Variants in FLT3 observed in about 807,000 individuals in gnomAD.
FLT3 encodes receptor-type tyrosine-protein kinase FLT3.
In FLT3, 46 loss-of-function variants were observed where a neutral mutation model predicts 126.6. The ratio of observed to expected loss-of-function variants is 0.36; its 90% confidence interval spans 0.29 to 0.46. The LOEUF is 0.46. Ranked by LOEUF, FLT3 falls within the 20% of genes least tolerant of loss-of-function variation. FLT3 has a pLI of 1.00. For synonymous variants in FLT3, 404 were observed against 434.4 expected (o/e 0.93, Z 0.87); for missense variants, 1,069 against 1,190.3 (o/e 0.90, Z 1.50).
intron 1 of FLT3, among the ~76,000 whole-genome samples, chr13:28,090,986 G>T (rs1434720414): frequency 2.0e-5 from 3 of 151,946 alleles, no homozygotes; most frequent in Non-Finnish European, 4.4e-5. Flanking sequence ...GGGGGTGGGG[G>T]TAAGTAAAAC....
At chr13:28,091,394 T>C (rs1179392057) in intron 1 of FLT3, among the ~76,000 whole-genome samples, 1 of 149,374 alleles carries the variant, frequency 6.7e-6, no homozygotes, top group Admixed American at 6.7e-5. Context: ...GCTAATTTTT[T>C]GTATTTTTAG....
chr13:28,049,613 G>A (rs1329188926), intron 7 of FLT3, 22 bp downstream of exon 7: 2 of 1,613,650 alleles, frequency 1.2e-6, no homozygotes, highest in South Asian at 2.2e-5. Flanking sequence ...TGCATTTTCA[G>A]AATACAAACT....
At chr13:28,045,166 T>C (rs1304003449) in intron 9 of FLT3, among the ~76,000 whole-genome samples, 1 of 152,156 alleles carries the variant, frequency 6.6e-6, no homozygotes, top group Admixed American at 6.6e-5. Flanking sequence ...GCCCACTACA[T>C]TGGCCCATGA....
At chr13:28,090,977 G>A (rs576381157) in intron 1 of FLT3, among the ~76,000 whole-genome samples, 14 of 152,152 alleles carry the variant, frequency 9.2e-5, no homozygotes, top group African/African-American at 3.1e-4. Context: ...TACTGGGATG[G>A]GGGTGGGGGT....
chr13:28,054,193 T>C (rs1290149717), intron 4 of FLT3, among the ~76,000 whole-genome samples: 2 of 152,236 alleles, frequency 1.3e-5, no homozygotes, highest in African/African-American at 2.4e-5. Context: ...TACTAATTTA[T>C]GTTACACAGC....
intron 9 of FLT3, among the ~76,000 whole-genome samples, chr13:28,043,226 G>T (rs1874542211): frequency 6.6e-6 from 1 of 151,748 alleles, no homozygotes; most frequent in Admixed American, 6.6e-5. Context: ...AAAAGCTAAG[G>T]TAGATTTGGA....
At position 28,050,124 on chromosome 13, in the gene FLT3, C is replaced by A. The variant is rs141994172; in HGVS notation, c.713G>T (p.Gly238Val). ...DIRCCARNELGRECTRLFTID... is the reference protein window; with the variant it reads ...DIRCCARNELVRECTRLFTID... Reference sequence around the variant, plus strand: ...TGTGAACAGCCTGGTGCATTCCCTGCCCAGTTCATTTCTGGCACAGCACCT... The same window carrying A: ...TGTGAACAGCCTGGTGCATTCCCTGACCAGTTCATTTCTGGCACAGCACCT... The change falls in exon 6 of 24, where the codon GGC becomes GTC. Residue 238 changes from glycine (G) to valine (V), a missense_variant. Transcript: ENST00000241453. 11 of 1,613,964 alleles carry A rather than the reference C, an allele frequency of 6.8e-6. No homozygotes were observed. In the African/African-American group the frequency reaches 8.0e-5, roughly 12 times the overall value.
chr13:28,007,354 C>G (rs1870998371), intron 23 of FLT3, among the ~76,000 whole-genome samples: 1 of 152,124 alleles, frequency 6.6e-6, no homozygotes, highest in Admixed American at 6.6e-5. Context: ...AGAAGTGATT[C>G]TCTTGTCTCA....
At chr13:28,012,679 A>G (rs1871498843) in intron 23 of FLT3, among the ~76,000 whole-genome samples, 1 of 152,134 alleles carries the variant, frequency 6.6e-6, no homozygotes, top group South Asian at 2.1e-4. Context: ...TCATGCCTGT[A>G]ATCCTAGCAC....
intron 1 of FLT3, among the ~76,000 whole-genome samples, chr13:28,080,908 C>A (rs970166846): frequency 1.3e-5 from 2 of 152,154 alleles, no homozygotes; most frequent in Non-Finnish European, 2.9e-5. Context: ...ACTGAATTAC[C>A]TTTACACCTT....
intron 19 of FLT3, among the ~76,000 whole-genome samples, chr13:28,018,957 G>A (rs947594975): frequency 1.4e-5 from 2 of 142,606 alleles, no homozygotes; most frequent in Non-Finnish European, 3.0e-5. Context: ...GTGAGAAATA[G>A]CATCTCTTTT....
chr13:28,063,043 T>G (rs1876709622), intron 2 of FLT3, among the ~76,000 whole-genome samples: 1 of 147,874 alleles, frequency 6.8e-6, no homozygotes. Context: ...TAAATATTTT[T>G]GTGATTGTTG....
chr13:28,030,904 AAAAAAAG>A (rs368872924), intron 15 of FLT3, among the ~76,000 whole-genome samples: 7 of 151,680 alleles, frequency 4.6e-5, no homozygotes, highest in African/African-American at 1.2e-4. Flanking sequence ...ACCCTATCTC[AAAAAAAG>A]AAAAAAGAAA....
intron 23 of FLT3, among the ~76,000 whole-genome samples, chr13:28,008,275 CAAAAAAA>C (rs11409962): frequency 0.099 from 8,645 of 87,138 alleles, 393 homozygotes; most frequent in Middle Eastern, 0.21. Context: ...GAACCTGTCT[CAAAAAAA>C]AAAAAAAAAA....
At chr13:28,078,906 G>T (rs1279471148) in intron 1 of FLT3, among the ~76,000 whole-genome samples, 2 of 152,042 alleles carry the variant, frequency 1.3e-5, no homozygotes, top group African/African-American at 4.8e-5. Flanking sequence ...TAGAGACAGG[G>T]TTTTACTGTG....
chr13:28,048,706 G>T (rs1348322868), intron 8 of FLT3, among the ~76,000 whole-genome samples: 1 of 152,164 alleles, frequency 6.6e-6, no homozygotes, highest in Non-Finnish European at 1.5e-5. Flanking sequence ...ATAATTGACT[G>T]TCTGGCCCCT....
intron 1 of FLT3, among the ~76,000 whole-genome samples, chr13:28,081,726 A>T (rs1290820850): frequency 6.6e-6 from 1 of 151,964 alleles, no homozygotes. Context: ...GTATAATATT[A>T]GCTATTGGTT....
chr13:28,031,886 A>G (rs1001843044), intron 15 of FLT3, among the ~76,000 whole-genome samples: 1 of 152,178 alleles, frequency 6.6e-6, no homozygotes, highest in Non-Finnish European at 1.5e-5. Flanking sequence ...CGCCACTGTC[A>G]CTTGGACCTC....
rs909269674 is a variant in FLT3 at position 28,033,886 on chromosome 13, C to A, written c.1942+1G>T. The stretch of plus-strand genomic sequence containing the variant: ...GTTGCTGTCCTTCCACTATACTGTA[C>A]CTTTCAGCATTTTGACGGCAACCTG... On this transcript the variant is annotated splice_donor_variant, in intron 15 of 23. Transcript: ENST00000241453. LOFTEE classifies it high-confidence loss of function. 6.2e-7 allele frequency: 1 copy of A among 1,611,624 alleles called. No homozygotes were observed. Among genetic ancestry groups the A allele is most frequent in the Non-Finnish European group, 8.5e-7 (1 of 1,177,802 alleles).
Sources: gnomAD v4.1 joint callset for allele counts (sites outside exome capture counted in the v4.1 genomes callset) on GRCh38, gnomAD v4.1.1 for gene constraint, MANE v1.5 for transcripts, NCBI Gene and HGNC (gene_info 2026-07-23, HGNC 2026-07-21) for gene names.